The following TREH variants were observed in gnomAD, a reference collection of about 807,000 sequenced individuals.
TREH encodes trehalase, also known as alpha,alpha-trehalose glucohydrolase.
A neutral mutation model predicts 80.5 loss-of-function variants in TREH; 69 were observed. The ratio of observed to expected loss-of-function variants is 0.86; its 90% CI spans 0.71 to 1.05. The LOEUF (loss-of-function observed/expected upper bound fraction) is 1.05, where lower values mean the gene tolerates loss of function less well. Among genes scored for constraint, TREH ranks in the 50% least tolerant of loss-of-function variants. The pLI, the probability that TREH is intolerant of heterozygous loss-of-function variation, is 0.00. For missense variants in TREH, 716 were observed against 718.8 expected (o/e 1.00, Z 0.04); for synonymous variants, 309 against 293.5 (o/e 1.05, Z -0.54).
chr11:118,665,627 G>A (rs781785728), intron 1 of TREH, among the ~76,000 whole-genome samples: 4 of 152,016 alleles, frequency 2.6e-5, no homozygotes, highest in Non-Finnish European at 4.4e-5. Flanking sequence ...GCAACAGAGC[G>A]AGACTCCGTC....
chr11:118,660,509 C>A, intron 10 of TREH, 30 bp downstream of exon 10: 1 of 1,554,648 alleles, frequency 6.4e-7, no homozygotes, highest in East Asian at 2.3e-5. Flanking sequence ...ACCAAGCTCC[C>A]TGCTTTCCCT....
intron 1 of TREH, among the ~76,000 whole-genome samples, chr11:118,666,210 G>A (rs1949376295): frequency 6.6e-6 from 1 of 152,140 alleles, no homozygotes; most frequent in Admixed American, 6.5e-5. Flanking sequence ...TGCAGCCTGG[G>A]CAATGGAGTA....
At chr11:118,677,325 A>G (rs1555146963) in intron 1 of TREH, among the ~76,000 whole-genome samples, 1 of 152,184 alleles carries the variant, frequency 6.6e-6, no homozygotes, top group Non-Finnish European at 1.5e-5. Context: ...GTCCATATAA[A>G]TCCACTGGGA....
chr11:118,659,467 C>A lies in TREH; in HGVS notation c.1335G>T (p.Leu445=). The stretch of plus-strand genomic sequence containing the variant: ...AGGTCGGGATCCCATACTGGTAAGT[C>A]AGGATCCGGTTGTCCTAGAAGGTCC... ...ALKYLEDNRI[L]TYQYGIPTSL... is the part of the protein sequence containing the mutation. The change falls in exon 12 of 15, where the codon CTG becomes CTT. Residue 445 remains leucine, a synonymous_variant. Coordinates refer to ENST00000264029, the MANE Select transcript of TREH (RefSeq NM_007180.3). The A allele has an allele frequency of 6.3e-7, 1 of 1,599,274 alleles. No individual in the cohort carries two copies.
At chr11:118,670,575 T>G (rs1366324600) in intron 1 of TREH, among the ~76,000 whole-genome samples, 1 of 152,254 alleles carries the variant, frequency 6.6e-6, no homozygotes, top group Non-Finnish European at 1.5e-5. Context: ...ATTAGAATTA[T>G]AATCTTGCCA....
chr11:118,673,586 G>A (rs1279283056), intron 1 of TREH, among the ~76,000 whole-genome samples: 1 of 152,234 alleles, frequency 6.6e-6, no homozygotes, highest in Non-Finnish European at 1.5e-5. Context: ...CACCTCAGGT[G>A]AGCACGCAGG....
In TREH at chr11:118,658,976, A is replaced by G. The variant is rs374204865; in HGVS notation, c.1474T>C (p.Phe492Leu). Reference protein sequence around the residue: ...APLRRAQEVAFQLAQNWIRTN... With the variant: ...APLRRAQEVALQLAQNWIRTN... The stretch of plus-strand genomic sequence containing the variant: ...CGGATCCAATTCTGAGCCAGCTGGA[A>G]AGCCACTTCCTGGGCCCGACGTAAA... The change falls in exon 13 of 15, where the codon TTC becomes CTC. Residue 492 changes from phenylalanine (F) to leucine (L), a missense_variant. Transcript: ENST00000264029. 7.3e-5 allele frequency: 118 copies of G among 1,613,764 alleles called. No individual in the cohort carries two copies. Among genetic ancestry groups the G allele is most frequent in the Non-Finnish European group, 9.9e-5 (117 of 1,179,866 alleles).
chr11:118,658,189 G>A lies in TREH; in HGVS notation c.*100C>T. On this transcript the variant is annotated 3_prime_UTR_variant, in exon 15 of 15. Transcript: ENST00000264029. ...TGCCCTCCACTTCGCTCTGAGGACAGGCTGGGAGGTAGGAGGGCATGAAGA... is the reference window on the plus strand; with the variant it reads ...TGCCCTCCACTTCGCTCTGAGGACAAGCTGGGAGGTAGGAGGGCATGAAGA... 1 of 1,467,674 alleles carries A rather than the reference G, an allele frequency of 6.8e-7. No individual in the cohort carries two copies. Among genetic ancestry groups the A allele is most frequent in the Non-Finnish European group, 9.2e-7 (1 of 1,091,348 alleles). The allele number at this position is 1,467,674 out of a possible 1,614,324, so 90.9% of individuals were successfully genotyped here.
intron 1 of TREH, among the ~76,000 whole-genome samples, chr11:118,675,396 G>A (rs1772382713): frequency 1.3e-5 from 2 of 152,192 alleles, no homozygotes; most frequent in African/African-American, 2.4e-5. Context: ...CCAGCCACAA[G>A]TTCAGGGGTC....
At position 118,659,741 on chromosome 11, in the gene TREH, C is replaced by T. The variant is rs782595383; in HGVS notation, c.1320+6G>A. ...AGTGGACCCGAGCCACCTGCTGTGC[C>T]CTCACCTCCAGGTATTTCAGAGCCT... is the stretch of plus-strand genomic sequence containing the variant. On this transcript the variant is annotated splice_donor_region_variant and intron_variant, in intron 11 of 14. Transcript: ENST00000264029. 9 of 1,566,584 alleles carry T rather than the reference C, an allele frequency of 5.7e-6. No individual in the cohort carries two copies. Among genetic ancestry groups the T allele is most frequent in the Non-Finnish European group, 6.9e-6 (8 of 1,155,178 alleles).
chr11:118,665,255 C>T (rs1348403359), intron 1 of TREH, among the ~76,000 whole-genome samples: 4 of 152,102 alleles, frequency 2.6e-5, no homozygotes, highest in African/African-American at 9.7e-5. Context: ...GTTCCCACAT[C>T]ATCTCAACTA....
rs1555145088 is a variant in TREH, at chr11:118,661,922, C to G, written c.492G>C (p.Val164=). ...SLIYSEHPFI[V]PGGRFVEFYY... ...AGAACTCAACAAAGCGACCGCCAGG[C>G]ACAATGAAGGGATGTTCTGAGTAGA... is the stretch of plus-strand genomic sequence containing the variant. The change falls in exon 5 of 15, where the codon GTG becomes GTC. Residue 164 remains valine, a synonymous_variant. Transcript: ENST00000264029. The surrounding 1 kb of genome is among the most constrained non-coding windows in gnomAD (Gnocchi z 4.2). The G allele has an allele frequency of 2.6e-6, 4 of 1,555,858 alleles. No individual in the cohort carries two copies. The highest frequency in any genetic ancestry group is 2.6e-6 in the Non-Finnish European group (3 of 1,149,472).
chr11:118,659,725 G>C (rs117619140), intron 11 of TREH, 22 bp downstream of exon 11: 1 of 1,557,690 alleles, frequency 6.4e-7, no homozygotes, highest in Non-Finnish European at 8.7e-7. Context: ...CAGTGGACCC[G>C]AGCCACCTGC....
Position 118,660,531 on chromosome 11 carries a change from G to T in TREH, c.1102+8C>A, listed in dbSNP as rs1555144659. On this transcript the variant is annotated splice_region_variant and intron_variant, in intron 10 of 14. Coordinates refer to ENST00000264029, the MANE Select transcript of TREH (RefSeq NM_007180.3). ...TCCCTGCTTTCCCTTCCCTACTGGG[G>T]TGCTCACCCAGCCTGGAATAGAAGT... The T allele has an allele frequency of 6.3e-7, 1 of 1,590,788 alleles. No individual in the cohort carries two copies. The highest frequency in any genetic ancestry group is 1.1e-5 in the South Asian group (1 of 87,982).
chr11:118,667,992 G>A (rs542239100), intron 1 of TREH, among the ~76,000 whole-genome samples: 28 of 152,164 alleles, frequency 1.8e-4, no homozygotes, highest in African/African-American at 6.5e-4. Flanking sequence ...AGCCTCCCAA[G>A]TTGCTGGGAT....
chr11:118,665,110 TA>T (rs879996312), intron 1 of TREH, among the ~76,000 whole-genome samples: 229 of 141,954 alleles, frequency 1.6e-3, no homozygotes, highest in Admixed American at 1.8e-3. Context: ...ACTGTGTCTT[TA>T]AAAAAAAAAA....
chr11:118,674,543 T>C lies in TREH; in HGVS notation c.89+4996A>G, dbSNP rs1949459230. On this transcript the variant is annotated intron_variant, in intron 1 of 14. Transcript: ENST00000264029. This position sits in a 1 kb window ranked among gnomAD's most constrained non-coding sequence, Gnocchi z 4.4. ...TCAAGCGCATACCACTTTTTTGTTT[T>C]GTTTTGTTTTGTTTTTGAGATGGAG... Among the ~76,000 whole-genome samples, 4 of 152,170 alleles carry C rather than the reference T, an allele frequency of 2.6e-5. No individual in the cohort carries two copies. The highest frequency in any genetic ancestry group is 2.0e-4 in the Admixed American group (3 of 15,266).
chr11:118,669,632 G>A (rs1435038762), intron 1 of TREH, among the ~76,000 whole-genome samples: 3 of 152,152 alleles, frequency 2.0e-5, no homozygotes, highest in Non-Finnish European at 4.4e-5. Flanking sequence ...TTATTTGTGG[G>A]AGCTTAAAAT....
At chr11:118,659,605 G>T (rs1949286465) in intron 11 of TREH, 124 bp from the exon 12 acceptor site, 13 of 1,344,890 alleles carry the variant, frequency 9.7e-6, no homozygotes, top group Non-Finnish European at 1.3e-5. Context: ...GCTCACAGCT[G>T]CCCCCCGGTG....
Sources: allele counts gnomAD v4.1 joint callset (sites outside exome capture counted in the v4.1 genomes callset), GRCh38; gene constraint gnomAD v4.1.1; non-coding constraint Gnocchi (gnomAD v3.1); transcripts MANE v1.5; gene names NCBI Gene and HGNC (gene_info 2026-07-23, HGNC 2026-07-21).